The following PRMT8 variants were observed in gnomAD, a reference collection of about 807,000 sequenced individuals.
PRMT8 encodes protein arginine methyltransferase 8.
Under a neutral mutation model 47.1 loss-of-function variants are expected in PRMT8, and 7 were observed. The ratio of observed to expected loss-of-function variants is 0.15; its 90% CI spans 0.08 to 0.28. The LOEUF is 0.28. PRMT8 is among the 10% of genes least tolerant of loss of function. The pLI, the probability that PRMT8 is intolerant of heterozygous loss-of-function variation, is 1.00. For synonymous variants in PRMT8, 188 were observed against 186.5 expected, an observed-to-expected ratio of 1.01 and a Z score of -0.07; for missense variants, 237 against 505.4, an observed-to-expected ratio of 0.47 and a Z score of 5.09.
At chr12:3,459,281 G>A (rs531491829) in intron 1 of PRMT8, among the ~76,000 whole-genome samples, 220 of 152,270 alleles carry the variant, frequency 1.4e-3, no homozygotes, top group African/African-American at 5.1e-3. Flanking sequence ...GAATAGATGG[G>A]CCCTGTCCCC....
At chr12:3,522,294 C>G (rs1865891228) in intron 1 of PRMT8, among the ~76,000 whole-genome samples, 1 of 152,174 alleles carries the variant, frequency 6.6e-6, no homozygotes, top group Admixed American at 6.5e-5. Flanking sequence ...AAAAGGACTT[C>G]TAACTCAAAC....
At chr12:3,591,344 G>A (rs1170395245) in intron 8 of PRMT8, among the ~76,000 whole-genome samples, 2 of 151,644 alleles carry the variant, frequency 1.3e-5, no homozygotes, top group African/African-American at 2.4e-5. Flanking sequence ...AAACCCTACA[G>A]CAGGTCTGGG....
chr12:3,565,109 C>T (rs1016449647), intron 4 of PRMT8, among the ~76,000 whole-genome samples: 1 of 152,166 alleles, frequency 6.6e-6, no homozygotes, highest in Non-Finnish European at 1.5e-5. Context: ...GACAGTCAAA[C>T]TGGAACTTGG....
rs568177495 is a variant in PRMT8, at chr12:3,552,875, A to G, written c.418-776A>G. Reference sequence around the variant, plus strand: ...GGCCTTAGCACAGGCCAGCCTCTGTAAGAGAGCCGGCTCCGGAGGTGAGGA... The same window carrying G: ...GGCCTTAGCACAGGCCAGCCTCTGTGAGAGAGCCGGCTCCGGAGGTGAGGA... On this transcript the variant is annotated intron_variant, in intron 3 of 9. Coordinates refer to ENST00000382622, the MANE Select transcript of PRMT8 (RefSeq NM_019854.5). The surrounding 1 kb of genome is among the most constrained non-coding windows in gnomAD (Gnocchi z 4.5). 9 of 425,366 alleles carry G rather than the reference A, an allele frequency of 2.1e-5. No individual in the cohort carries two copies. In the East Asian group the frequency reaches 5.8e-4, roughly 28 times the overall value. The allele number at this position is 425,366 out of a possible 1,614,324, so 26.3% of individuals were successfully genotyped here. A position where few individuals can be genotyped will look rare whatever the true frequency, so the allele number is the denominator to read the frequency against.
At chr12:3,565,554 G>A (rs1866705546) in intron 4 of PRMT8, among the ~76,000 whole-genome samples, 1 of 152,126 alleles carries the variant, frequency 6.6e-6, no homozygotes, top group Admixed American at 6.5e-5. Flanking sequence ...ATGTAGAAGG[G>A]TGATGTTAAG....
upstream of PRMT8, among the ~76,000 whole-genome samples, chr12:3,486,496 T>TA (rs1465339786): frequency 6.6e-6 from 1 of 151,948 alleles, no homozygotes; most frequent in Non-Finnish European, 1.5e-5. Flanking sequence ...CAGAAAAAAA[T>TA]ATGTATTAAG....
chr12:3,432,580 G>A (rs775995935), intron 1 of PRMT8, among the ~76,000 whole-genome samples: 2 of 152,032 alleles, frequency 1.3e-5, no homozygotes, highest in African/African-American at 2.4e-5. Context: ...CTGGAGGGAG[G>A]AGACAGCTCA....
At chr12:3,553,394 C>A (rs953761656) in intron 3 of PRMT8, 8 of 572,864 alleles carry the variant, frequency 1.4e-5, no homozygotes, top group Non-Finnish European at 2.5e-5. Context: ...GAGTCTCCAG[C>A]ACAGAGATCA....
intron 1 of PRMT8, among the ~76,000 whole-genome samples, chr12:3,425,056 G>A (rs1327474937): frequency 6.6e-6 from 1 of 152,200 alleles, no homozygotes; most frequent in Non-Finnish European, 1.5e-5. Flanking sequence ...CTTGGAGGTT[G>A]GGCCTGCTAG....
At chr12:3,592,373 G>A (rs1255536307) in intron 9 of PRMT8, 21 bp downstream of exon 9, 3 of 1,596,164 alleles carry the variant, frequency 1.9e-6, no homozygotes, top group Non-Finnish European at 2.6e-6. Context: ...AGGGACATAA[G>A]GACATAAGGG....
At chr12:3,466,565 C>A (rs1865098979) in intron 1 of PRMT8, among the ~76,000 whole-genome samples, 1 of 152,098 alleles carries the variant, frequency 6.6e-6, no homozygotes, top group Non-Finnish European at 1.5e-5. Flanking sequence ...AGGGAGCTGG[C>A]TTCCAATAAG....
At chr12:3,491,166 G>A (rs1018202336), upstream of PRMT8, 2 of 986,336 alleles carry the variant, frequency 2.0e-6, no homozygotes, top group South Asian at 9.4e-5. Flanking sequence ...CCACTCACCC[G>A]GCTCAGCCCC....
At chr12:3,452,569 C>T (rs867480639) in intron 1 of PRMT8, among the ~76,000 whole-genome samples, 2 of 152,318 alleles carry the variant, frequency 1.3e-5, no homozygotes, top group Middle Eastern at 6.8e-3. Context: ...CTTTTGGTCC[C>T]TTCCAGGTCT....
At chr12:3,528,905 C>T (rs891568678) in intron 1 of PRMT8, among the ~76,000 whole-genome samples, 3 of 152,198 alleles carry the variant, frequency 2.0e-5, no homozygotes, top group Non-Finnish European at 4.4e-5. Flanking sequence ...CAACAAAACA[C>T]CTCTTCTGAG....
Position 3,492,593 on chromosome 12 carries a change from G to C in PRMT8, c.75+893G>C, listed in dbSNP as rs936371030. On this transcript the variant is annotated intron_variant, in intron 1 of 9. Coordinates refer to ENST00000382622, the MANE Select transcript of PRMT8 (RefSeq NM_019854.5). The surrounding 1 kb of genome is among the most constrained non-coding windows in gnomAD (Gnocchi z 7.5). ...CTGGCCCTGAGCCGCAGAGAGCCCT[G>C]CTGGGCTTTGCGTCCCGAGACTCGA... is the stretch of plus-strand genomic sequence containing the variant. Among the ~76,000 whole-genome samples the C allele has an allele frequency of 6.6e-6, 1 of 152,208 alleles. No individual in the cohort carries two copies. Among genetic ancestry groups the C allele is most frequent in the African/African-American group, 2.4e-5 (1 of 41,450 alleles).
intron 1 of PRMT8, among the ~76,000 whole-genome samples, chr12:3,408,610 C>G (rs1015751444): frequency 2.0e-5 from 3 of 152,060 alleles, no homozygotes; most frequent in African/African-American, 4.8e-5. Flanking sequence ...GAGGTCTGTT[C>G]CTTTGATGGT....
At chr12:3,522,328 A>G (rs773451636) in intron 1 of PRMT8, among the ~76,000 whole-genome samples, 20 of 152,186 alleles carry the variant, frequency 1.3e-4, no homozygotes, top group Non-Finnish European at 2.4e-4. Context: ...TTCACAGTTC[A>G]CCACTTCCAG....
intron 2 of PRMT8, among the ~76,000 whole-genome samples, chr12:3,543,020 A>T (rs1332790929): frequency 1.3e-5 from 2 of 152,220 alleles, no homozygotes. Flanking sequence ...ACTTATGGAA[A>T]AGTCAAGCTT....
At chr12:3,462,155 G>C (rs1865049245) in intron 1 of PRMT8, among the ~76,000 whole-genome samples, 1 of 151,932 alleles carries the variant, frequency 6.6e-6, no homozygotes, top group Admixed American at 6.5e-5. Flanking sequence ...TTGGTTTTCT[G>C]TTCTTGTGTT....
Sources: allele counts gnomAD v4.1 joint callset (sites outside exome capture counted in the v4.1 genomes callset), GRCh38; gene constraint gnomAD v4.1.1; non-coding constraint Gnocchi (gnomAD v3.1); transcripts MANE v1.5; gene names NCBI Gene and HGNC (gene_info 2026-07-23, HGNC 2026-07-21).